The following GPC2 variants were observed in gnomAD, a reference collection of about 807,000 sequenced individuals.
GPC2 encodes the protein glypican-2.
In GPC2, 42 loss-of-function variants were observed where a neutral mutation model predicts 57.3. The ratio of observed to expected loss-of-function variants is 0.73; its 90% confidence interval spans 0.57 to 0.95. GPC2 has a LOEUF of 0.95. Among genes scored for constraint, GPC2 ranks in the 40% least tolerant of loss-of-function variants. The probability of loss-of-function intolerance (pLI) is 0.00; values close to 1 mark genes in which losing one functional copy is unlikely to be tolerated. For synonymous variants in GPC2, 364 were observed against 343.4 expected, an observed-to-expected ratio of 1.06 and a Z score of -0.66; for missense variants, 745 against 793.6, an observed-to-expected ratio of 0.94 and a Z score of 0.74.
In GPC2 at chr7:100,175,753, C is replaced by T; in HGVS notation, c.467G>A (p.Gly156Asp). The change falls in exon 3 of 10, where the codon GGT becomes GAT. Residue 156 changes from glycine to aspartate, a missense_variant. Transcript: ENST00000292377. ...SRLRDFYGESGEGLDDTLADF... is the reference protein window; with the variant it reads ...SRLRDFYGESDEGLDDTLADF... ...CGCCAGGGTGTCATCCAACCCCTCA[C>T]CAGATTCCCCATAGAAGTCTCGCAG... 1.2e-6 allele frequency: 2 copies of T among 1,614,106 alleles called. No homozygotes were observed. The highest frequency in any genetic ancestry group is 1.7e-6 in the Non-Finnish European group (2 of 1,180,032).
rs1259318881 is a variant in GPC2 at position 100,173,856 on chromosome 7, G to C, written c.871C>G (p.Pro291Ala). ...RGCLSSRGLE[P>A]DWGNYLDGLL... ...TCACCCAGATAGTTGCCCCAGTCAG[G>C]CTCCAGTCCCCTGCTGCTGAGACAG... The change falls in exon 5 of 10, where the codon CCT becomes GCT. Residue 291 changes from proline (P) to alanine (A), a missense_variant. Pro to Ala is a conservative substitution (Grantham distance 27, BLOSUM62 -1). Around this residue, in one of 2 missense-constraint regions of GPC2, gnomAD observed 607 missense variants for 603.9 expected, o/e 1.01. Coordinates refer to ENST00000292377, the MANE Select transcript of GPC2 (RefSeq NM_152742.3). 2 of 1,574,686 alleles carry C rather than the reference G, an allele frequency of 1.3e-6. No individual in the cohort carries two copies. Among genetic ancestry groups the C allele is most frequent in the Admixed American group, 1.8e-5 (1 of 54,222 alleles).
At chr7:100,172,912 C>T (rs553565412) in intron 5 of GPC2, among the ~76,000 whole-genome samples, 3 of 150,938 alleles carry the variant, frequency 2.0e-5, no homozygotes, top group South Asian at 2.1e-4. Context: ...TCTCATCTGT[C>T]ACCCAGGCTG....
rs1316296082 is a variant in GPC2 at position 100,177,294 on chromosome 7, C to A, written c.-95G>T. ...CCGGTACTCGGCCGCGGGACCGCTCCGCGGGCCAGAGAAAGAGCGCTGCTC... is the reference window on the plus strand; with the variant it reads ...CCGGTACTCGGCCGCGGGACCGCTCAGCGGGCCAGAGAAAGAGCGCTGCTC... On this transcript the variant is annotated 5_prime_UTR_variant, in exon 1 of 10. Transcript: ENST00000292377. The A allele has an allele frequency of 9.0e-7, 1 of 1,110,290 alleles. No homozygotes were observed. Among genetic ancestry groups the A allele is most frequent in the African/African-American group, 1.6e-5 (1 of 62,678 alleles). 68.8% of individuals were successfully genotyped at this position (1,110,290 alleles called of 1,614,324 possible).
Position 100,175,914 on chromosome 7 carries a change from C to G in GPC2, c.326-20G>C. The G allele has an allele frequency of 6.2e-7, 1 of 1,607,092 alleles. No homozygotes were observed. The highest frequency in any genetic ancestry group is 8.5e-7 in the Non-Finnish European group (1 of 1,174,158). On this transcript the variant is annotated intron_variant, in intron 2 of 9. Coordinates refer to ENST00000292377, the MANE Select transcript of GPC2 (RefSeq NM_152742.3). ...AAAACTCTGCAGCAAATGCAGGGAACAGGTGGAAGGCAGGTCAGGCCAAAG... is the reference window on the plus strand; with the variant it reads ...AAAACTCTGCAGCAAATGCAGGGAAGAGGTGGAAGGCAGGTCAGGCCAAAG...
At chr7:100,173,590 TTTTCTTTC>T (rs143805779) in intron 5 of GPC2, 69 of 293,942 alleles carry the variant, frequency 2.3e-4, no homozygotes, top group South Asian at 1.1e-3. Context: ...GATTTCTTTC[TTTTCTTTC>T]TTTCTTTCTT....
At chr7:100,174,552 G>C in intron 4 of GPC2, 133 bp downstream of exon 4, 1 of 725,896 alleles carries the variant, frequency 1.4e-6, no homozygotes, top group Non-Finnish European at 2.5e-6. Flanking sequence ...ATTCATCCTA[G>C]GACACCAGGG....
rs538022806 is a variant in GPC2 at position 100,170,234 on chromosome 7, C to T, written c.1736G>A (p.Arg579Gln). The T allele has an allele frequency of 5.3e-5, 83 of 1,553,392 alleles. No individual in the cohort carries two copies. Among genetic ancestry groups the T allele is most frequent in the South Asian group, 1.7e-4 (14 of 84,092 alleles). Residue 579 changes from arginine to glutamine, a missense_variant, in exon 10 of 10, where the codon CGA (arginine) becomes CAA (glutamine). Arg to Gln is a conservative substitution (Grantham distance 43). Coordinates refer to ENST00000292377, the MANE Select transcript of GPC2 (RefSeq NM_152742.3). The part of the protein sequence containing the change: ...SLSALALLGP[R>Q] ...TGCTAGGGCACCCCTCCCCCGTTAT[C>T]GAGGTCCAAGCAGGGCCAGGGCTGA...
At chr7:100,170,684 T>G in intron 9 of GPC2, among the ~76,000 whole-genome samples, 1 of 148,080 alleles carries the variant, frequency 6.8e-6, no homozygotes, top group Non-Finnish European at 1.5e-5. Flanking sequence ...ACAGCAGACA[T>G]GGGGGGAGAG....
At chr7:100,174,025 TC>T in intron 4 of GPC2, 28 bp from the exon 5 acceptor site, 1 of 1,510,568 alleles carries the variant, frequency 6.6e-7, no homozygotes, top group Non-Finnish European at 8.9e-7. Context: ...GGCTGTGTCC[TC>T]CACAAACGCT....
chr7:100,175,730 C>T lies in GPC2; in HGVS notation c.490G>A (p.Ala164Thr), dbSNP rs761299749. The change falls in exon 3 of 10, where the codon GCG becomes ACG. Residue 164 changes from alanine (A) to threonine (T), a missense_variant. Physicochemically the swap from Ala to Thr is moderately conservative, Grantham distance 58. Around this residue, in one of 2 missense-constraint regions of GPC2, gnomAD observed 607 missense variants for 603.9 expected, o/e 1.01. Coordinates refer to ENST00000292377, the MANE Select transcript of GPC2 (RefSeq NM_152742.3). ...TCCAGGAGCTGTGCCCAGAAATCCG[C>T]CAGGGTGTCATCCAACCCCTCACCA... The part of the protein sequence containing the change: ...ESGEGLDDTL[A>T]DFWAQLLERV... 2 of 1,614,096 alleles carry T rather than the reference C, an allele frequency of 1.2e-6. No homozygotes were observed.
intron 1 of GPC2, 33 bp downstream of exon 1, chr7:100,177,001 C>G (rs1163055607): frequency 2.0e-6 from 1 of 504,684 alleles, no homozygotes; most frequent in African/African-American, 2.1e-5. Flanking sequence ...CGCCCCCCAC[C>G]CCCAATTCTC....
rs1799330514 is a variant in GPC2, at chr7:100,177,346, G to A, written c.-147C>T. 3.1e-6 allele frequency: 2 copies of A among 638,426 alleles called. No homozygotes were observed. The highest frequency in any genetic ancestry group is 3.3e-5 in the East Asian group (1 of 30,316). 39.5% of individuals were successfully genotyped at this position (638,426 alleles called of 1,614,324 possible). A position where few individuals can be genotyped will look rare whatever the true frequency, so the allele number is the denominator to read the frequency against. On this transcript the variant is annotated 5_prime_UTR_variant, in exon 1 of 10. Transcript: ENST00000292377. Reference sequence around the variant, plus strand: ...GGAAAACTGAATACCGAGCACGATAGCTGGACCAGGCGGCATCTGCCGAGA... The same window carrying A: ...GGAAAACTGAATACCGAGCACGATAACTGGACCAGGCGGCATCTGCCGAGA...
At position 100,171,837 on chromosome 7, in the gene GPC2, G is replaced by A. The variant is rs1799184613; in HGVS notation, c.1112C>T (p.Ser371Leu). 1 of 1,563,036 alleles carries A rather than the reference G, an allele frequency of 6.4e-7. No individual in the cohort carries two copies. The highest frequency in any genetic ancestry group is 2.3e-5 in the East Asian group (1 of 42,918). ...GGGCCGCTCCTCCTCGGTCACCATC[G>A]ACCACAGCCGGCCCGCCTCTTCCCG... is the stretch of plus-strand genomic sequence containing the variant. ...PPREEAGRLW[S>L]MVTEEERPTT... Residue 371 changes from serine to leucine, a missense_variant, in exon 7 of 10, where the codon TCG (serine) becomes TTG (leucine). Around this residue, in one of 2 missense-constraint regions of GPC2, gnomAD observed 607 missense variants for 603.9 expected, o/e 1.01. Coordinates refer to ENST00000292377, the MANE Select transcript of GPC2 (RefSeq NM_152742.3). The surrounding 1 kb of genome is among the most constrained non-coding windows in gnomAD (Gnocchi z 4.8).
At chr7:100,174,020 T>C in intron 4 of GPC2, 23 bp from the exon 5 acceptor site, 4 of 1,522,992 alleles carry the variant, frequency 2.6e-6, no homozygotes, top group Non-Finnish European at 3.5e-6. Context: ...AGTGGGGCTG[T>C]GTCCTCCACA....
At position 100,175,623 on chromosome 7, in the gene GPC2, G is replaced by A. The variant is rs138309179; in HGVS notation, c.597C>T (p.Thr199=). The A allele has an allele frequency of 2.7e-5, 44 of 1,613,820 alleles. No homozygotes were observed. The highest frequency in any genetic ancestry group is 6.7e-5 in the Admixed American group (4 of 59,960). ...CCCCAAAGGGCTGCAGAGAGCCATC[G>A]GTAGATGAGGCCAAGCGTGAGAGGC... ...LLCLSRLASS[T]DGSLQPFGDS... is the part of the protein sequence containing the mutation. Residue 199 remains threonine (T), a synonymous_variant, in exon 3 of 10, where the codon ACC becomes ACT. Transcript: ENST00000292377.
At chr7:100,173,601 T>G in intron 5 of GPC2, 1 of 294,508 alleles carries the variant, frequency 3.4e-6, no homozygotes. Flanking sequence ...TTTCTTTCTT[T>G]CTTTCTTTCT....
chr7:100,171,554 C>T lies in GPC2; in HGVS notation c.1295G>A (p.Gly432Glu). 3.4e-6 allele frequency: 5 copies of T among 1,470,220 alleles called. No homozygotes were observed. The highest frequency in any genetic ancestry group is 4.5e-6 in the Non-Finnish European group (5 of 1,119,248). The allele number at this position is 1,470,220 out of a possible 1,614,324, so 91.1% of individuals were successfully genotyped here. The part of the protein sequence containing the change: ...ASLEAAPCWT[G>E]AGRGRYLPPV... The stretch of plus-strand genomic sequence containing the variant: ...CGAGGCTCACCGGCCCCGCCCGGCT[C>T]CGGTCCAGCAGGGCGCCGCCTCCAG... Residue 432 changes from glycine (G) to glutamate (E), a missense_variant, in exon 8 of 10, where the codon GGA (glycine) becomes GAA (glutamate). By Grantham distance (98) the Gly-to-Glu change is moderately conservative. Around this residue, in one of 2 missense-constraint regions of GPC2, gnomAD observed 607 missense variants for 603.9 expected, o/e 1.01. Transcript: ENST00000292377. The surrounding 1 kb of genome is among the most constrained non-coding windows in gnomAD (Gnocchi z 4.8).
In GPC2 at chr7:100,173,872, G is replaced by T. The variant is rs768113123; in HGVS notation, c.855C>A (p.Ser285Arg). The T allele has an allele frequency of 6.3e-7, 1 of 1,596,594 alleles. No individual in the cohort carries two copies. Among genetic ancestry groups the T allele is most frequent in the Non-Finnish European group, 8.5e-7 (1 of 1,171,972 alleles). The change falls in exon 5 of 10, where the codon AGC becomes AGA. Residue 285 changes from serine to arginine, a missense_variant. Ser to Arg is a moderately radical substitution (Grantham distance 110). Coordinates refer to ENST00000292377, the MANE Select transcript of GPC2 (RefSeq NM_152742.3). ...FCLNVVRGCL[S>R]SRGLEPDWGN... ...CCCAGTCAGGCTCCAGTCCCCTGCTGCTGAGACAGCCACGAACCACGTTGA... is the reference window on the plus strand; with the variant it reads ...CCCAGTCAGGCTCCAGTCCCCTGCTTCTGAGACAGCCACGAACCACGTTGA...
rs1435728123 is a variant in GPC2, at chr7:100,170,425, C to T, written c.1545G>A (p.Gly515=). 1.2e-6 allele frequency: 2 copies of T among 1,607,968 alleles called. No individual in the cohort carries two copies. The highest frequency in any genetic ancestry group is 1.3e-5 in the African/African-American group (1 of 74,792). Residue 515 remains glycine, a synonymous_variant, in exon 10 of 10, where the codon GGG becomes GGA. Coordinates refer to ENST00000292377, the MANE Select transcript of GPC2 (RefSeq NM_152742.3). ...GAGGCCGGGCTGGGGGAGCCACAGC[C>T]CCAGCCATCCAGTCATCTGCATACT... The part of the protein sequence containing the change: ...GQQYADDWMA[G]AVAPPARPPR...
Sources: allele counts gnomAD v4.1 joint callset (sites outside exome capture counted in the v4.1 genomes callset), GRCh38; gene constraint gnomAD v4.1.1; regional missense constraint gnomAD v4.1.1; non-coding constraint Gnocchi (gnomAD v3.1); transcripts MANE v1.5; gene names NCBI Gene and HGNC (gene_info 2026-07-23, HGNC 2026-07-21).